SVEP1: variants seen among roughly 807,000 people sequenced by gnomAD.
SVEP1 encodes the protein sushi, von Willebrand factor type A, EGF and pentraxin domain containing 1, also known as sushi, von Willebrand factor type A, EGF and pentraxin domain-containing protein 1.
A neutral mutation model predicts 367.3 loss-of-function variants in SVEP1; 164 were observed. The observed-to-expected ratio is 0.45, with a 90% confidence interval of 0.39 to 0.51. The LOEUF is 0.51. Ranked by LOEUF, SVEP1 falls within the 20% of genes least tolerant of loss-of-function variation. The pLI, the probability that SVEP1 is intolerant of heterozygous loss-of-function variation, is 0.00. For synonymous variants in SVEP1, 1,666 were observed against 1,611.6 expected (o/e 1.03, Z -0.81); for missense variants, 4,117 against 4,425.3 (o/e 0.93, Z 1.98).
intron 36 of SVEP1, among the ~76,000 whole-genome samples, chr9:110,424,251 G>C (rs1280360868): frequency 6.6e-6 from 1 of 152,166 alleles, no homozygotes; most frequent in Non-Finnish European, 1.5e-5. Context: ...CCCTCTACCA[G>C]TAAGATGGTA....
intron 3 of SVEP1, among the ~76,000 whole-genome samples, chr9:110,527,904 T>G (rs1481685601): frequency 1.3e-5 from 2 of 151,878 alleles, no homozygotes; most frequent in East Asian, 3.9e-4. Context: ...CCATACTGTA[T>G]GCTTTGGCAT....
intron 1 of SVEP1, among the ~76,000 whole-genome samples, chr9:110,575,851 A>G (rs1830621934): frequency 6.6e-6 from 1 of 152,226 alleles, no homozygotes; most frequent in Non-Finnish European, 1.5e-5. Context: ...GGTATTCAAA[A>G]AAAGGAGCTA....
intron 14 of SVEP1, 108 bp from the exon 15 acceptor site, chr9:110,472,431 A>G: frequency 9.0e-7 from 1 of 1,111,206 alleles, no homozygotes; most frequent in South Asian, 1.9e-5. Context: ...ATTTCCTCAA[A>G]TGCCCATAAC....
At chr9:110,527,780 G>A (rs542312631) in intron 3 of SVEP1, among the ~76,000 whole-genome samples, 6 of 151,586 alleles carry the variant, frequency 4.0e-5, no homozygotes, top group Admixed American at 6.6e-5. Flanking sequence ...TTTAATGTAC[G>A]CATCACTCAA....
At chr9:110,542,813 G>A (rs1207258503) in intron 3 of SVEP1, among the ~76,000 whole-genome samples, 6 of 125,720 alleles carry the variant, frequency 4.8e-5, no homozygotes, top group African/African-American at 1.8e-4. Context: ...CTGCACAAAT[G>A]TCTTCTTTTG....
Position 110,412,335 on chromosome 9 carries a change from C to A in SVEP1, c.5976-600G>T, listed in dbSNP as rs534001343. 3.9e-5 allele frequency among the ~76,000 whole-genome samples: 6 copies of A among 152,148 alleles called. No homozygotes were observed. In the South Asian group the frequency reaches 1.2e-3, roughly 32 times the overall value. On this transcript the variant is annotated intron_variant, in intron 36 of 47. Transcript: ENST00000374469. The stretch of plus-strand genomic sequence containing the variant: ...AACTTTAAAACAGTGATTATAATTT[C>A]AGTCTCCAATGTCTCCTAAGCCTTT...
chr9:110,511,154 T>G, intron 5 of SVEP1, among the ~76,000 whole-genome samples: 1 of 152,330 alleles, frequency 6.6e-6, no homozygotes, highest in South Asian at 2.1e-4. Flanking sequence ...TCACTAAGAT[T>G]ATTTCCCGAC....
intron 14 of SVEP1, among the ~76,000 whole-genome samples, chr9:110,472,744 A>C (rs1319750069): frequency 6.6e-6 from 1 of 152,182 alleles, no homozygotes; most frequent in Non-Finnish European, 1.5e-5. Context: ...AATATACATA[A>C]ATAGATCTCC....
At chr9:110,528,156 G>GTGTGTGTGTATGTATATATA in intron 3 of SVEP1, among the ~76,000 whole-genome samples, 6 of 33,940 alleles carry the variant, frequency 1.8e-4, no homozygotes, top group Admixed American at 4.6e-4. Context: ...GTGTGTGTGT[G>GTGTGTGTGTATGTATATATA]TATATATATA....
At chr9:110,438,801 G>A (rs550531590) in intron 27 of SVEP1, among the ~76,000 whole-genome samples, 16 of 152,164 alleles carry the variant, frequency 1.1e-4, no homozygotes, top group East Asian at 9.7e-4. Context: ...ACTTGCCAGC[G>A]CTCTATACAC....
intron 43 of SVEP1, among the ~76,000 whole-genome samples, chr9:110,385,301 G>T (rs1827503426): frequency 6.6e-6 from 1 of 152,178 alleles, no homozygotes; most frequent in Admixed American, 6.5e-5. Context: ...TGTTTTAAAT[G>T]GAGTTAAAAA....
chr9:110,435,373 T>C lies in SVEP1; in HGVS notation c.4765-9A>G. Reference sequence around the variant, plus strand: ...GTAGCCAGTGACTTCACCTGAAAGTTTAATAACACTTTAGATAAGCCTTAC... The same window carrying C: ...GTAGCCAGTGACTTCACCTGAAAGTCTAATAACACTTTAGATAAGCCTTAC... On this transcript the variant is annotated splice_polypyrimidine_tract_variant and intron_variant, in intron 28 of 47. Transcript: ENST00000374469. The C allele has an allele frequency of 6.2e-7, 1 of 1,612,498 alleles. No individual in the cohort carries two copies. The highest frequency in any genetic ancestry group is 1.1e-5 in the South Asian group (1 of 90,942).
At chr9:110,471,278 AT>A (rs1285235016) in intron 16 of SVEP1, 85 bp downstream of exon 16, 11 of 1,061,252 alleles carry the variant, frequency 1.0e-5, no homozygotes, top group African/African-American at 1.6e-5. Flanking sequence ...TCATTTCAAT[AT>A]CCCTTTATAG....
intron 3 of SVEP1, among the ~76,000 whole-genome samples, chr9:110,520,788 T>C (rs1829866937): frequency 6.6e-6 from 1 of 152,200 alleles, no homozygotes; most frequent in African/African-American, 2.4e-5. Flanking sequence ...CTGATAAATA[T>C]TAGGAGCCTT....
intron 47 of SVEP1, among the ~76,000 whole-genome samples, chr9:110,367,125 T>C (rs995174034): frequency 1.3e-5 from 2 of 152,250 alleles, no homozygotes; most frequent in South Asian, 2.1e-4. Flanking sequence ...CAAACCTTTA[T>C]TGAGCAGCGA....
At chr9:110,428,387 C>G (rs1323540894) in intron 35 of SVEP1, among the ~76,000 whole-genome samples, 3 of 138,898 alleles carry the variant, frequency 2.2e-5, no homozygotes, top group African/African-American at 5.7e-5. Context: ...TCTCCACTGT[C>G]CCCTCTGTTT....
intron 3 of SVEP1, among the ~76,000 whole-genome samples, chr9:110,524,379 T>C (rs1829915639): frequency 6.6e-6 from 1 of 152,028 alleles, no homozygotes; most frequent in Non-Finnish European, 1.5e-5. Context: ...CAGAACAACA[T>C]CTTAGAAATA....
intron 3 of SVEP1, among the ~76,000 whole-genome samples, chr9:110,527,207 A>G (rs77461537): frequency 0.14 from 21,428 of 152,018 alleles, 1,781 homozygotes; most frequent in East Asian, 0.36. Flanking sequence ...GATATCCTTT[A>G]AAGTGGGAAA....
At position 110,427,768 on chromosome 9, in the gene SVEP1, A is replaced by T. The variant is rs180913418; in HGVS notation, c.5808-10T>A. On this transcript the variant is annotated splice_polypyrimidine_tract_variant and intron_variant, in intron 35 of 47. Coordinates refer to ENST00000374469, the MANE Select transcript of SVEP1 (RefSeq NM_153366.4). ...GGAAGGGCCCTGTAAGCTGCGGGAA[A>T]GAATGATGTTACTCTTTCATTGGCT... 16 of 1,606,222 alleles carry T rather than the reference A, an allele frequency of 1.0e-5. No individual in the cohort carries two copies. The East Asian group carries it at 2.7e-4, about 27-fold the overall frequency.
Sources: gnomAD v4.1 joint callset for allele counts (sites outside exome capture counted in the v4.1 genomes callset) on GRCh38, gnomAD v4.1.1 for gene constraint, MANE v1.5 for transcripts, NCBI Gene and HGNC (gene_info 2026-07-23, HGNC 2026-07-21) for gene names.